C2orf76: variants seen among roughly 807,000 people sequenced by gnomAD.
C2orf76 encodes UPF0538 protein C2orf76.
In C2orf76, 23 loss-of-function variants were observed where a neutral mutation model predicts 16.9. That is an observed-to-expected ratio of 1.36 (90% confidence interval 0.98 to 1.93). The LOEUF (loss-of-function observed/expected upper bound fraction) is 1.93. Among genes scored for constraint, C2orf76 ranks in the 30% most tolerant of loss-of-function variants. The probability of loss-of-function intolerance (pLI) is 0.00; values close to 1 mark genes in which losing one functional copy is unlikely to be tolerated. For missense variants in C2orf76, 152 were observed against 152.6 expected (o/e 1.00, Z 0.02); for synonymous variants, 48 against 52.3 (o/e 0.92, Z 0.35).
chr2:119,311,254 A>G (rs1383326468), intron 5 of C2orf76: 1 of 985,314 alleles, frequency 1.0e-6, no homozygotes, highest in East Asian at 1.1e-4. Context: ...AATGCGTTTC[A>G]TTATTCCTCA....
chr2:119,290,985 G>A, the C2orf76 span, among the ~76,000 whole-genome samples: 1 of 151,952 alleles, frequency 6.6e-6, no homozygotes, highest in Non-Finnish European at 1.5e-5. Context: ...CAAACCTATT[G>A]AACACAGTCC....
rs61325292 is a variant in C2orf76, at chr2:119,305,942, C to CA, written c.305-3395dup. 5.9e-3 allele frequency among the ~76,000 whole-genome samples: 707 copies of CA among 119,608 alleles called. 6 individuals carry two copies. The highest frequency in any genetic ancestry group is 0.025 in the Middle Eastern group (5 of 200). The allele number at this position is 119,608 out of a possible 152,430, so 78.5% of individuals were successfully genotyped here. A position where few individuals can be genotyped will look rare whatever the true frequency, so the allele number is the denominator to read the frequency against. ...AACTAGCCAAAAAAAAAAACAACAA[C>CA]AAAAAAAAAAAAAAACAAAAAAAAC... On this transcript the variant is annotated intron_variant, in intron 5 of 5. Coordinates refer to ENST00000334816, the MANE Select transcript of C2orf76 (RefSeq NM_001322331.2).
At chr2:119,306,397 G>A (rs1030061039) in intron 5 of C2orf76, among the ~76,000 whole-genome samples, 1 of 152,132 alleles carries the variant, frequency 6.6e-6, no homozygotes, top group Non-Finnish European at 1.5e-5. Context: ...AAATGAAAAC[G>A]AACCACGAGG....
chr2:119,322,372 A>T (rs868111108), intron 2 of C2orf76, among the ~76,000 whole-genome samples: 4 of 152,030 alleles, frequency 2.6e-5, no homozygotes, highest in South Asian at 2.1e-4. Flanking sequence ...GCACCCAGCA[A>T]TTTTTTGTAT....
At chr2:119,333,494 G>A (rs1679740899) in intron 2 of C2orf76, among the ~76,000 whole-genome samples, 1 of 152,174 alleles carries the variant, frequency 6.6e-6, no homozygotes, top group South Asian at 2.1e-4. Context: ...ACCAATGAAG[G>A]CATAAACTGA....
intron 2 of C2orf76, among the ~76,000 whole-genome samples, chr2:119,323,083 T>C (rs1679397856): frequency 6.6e-6 from 1 of 152,050 alleles, no homozygotes; most frequent in South Asian, 2.1e-4. Context: ...AGGGATGTGA[T>C]TATACTCACA....
intron 1 of C2orf76, among the ~76,000 whole-genome samples, chr2:119,360,539 T>G (rs1363862703): frequency 6.6e-6 from 1 of 151,914 alleles, no homozygotes; most frequent in Non-Finnish European, 1.5e-5. Flanking sequence ...ATTGCACACT[T>G]TATAACAGAC....
the C2orf76 span, among the ~76,000 whole-genome samples, chr2:119,287,621 A>C: frequency 6.6e-6 from 1 of 152,036 alleles, no homozygotes; most frequent in Non-Finnish European, 1.5e-5. Flanking sequence ...ATCTGAGGAG[A>C]CGTGATATTT....
intron 4 of C2orf76, 79 bp from the exon 5 acceptor site, chr2:119,311,782 T>C: frequency 7.7e-7 from 1 of 1,299,270 alleles, no homozygotes; most frequent in Non-Finnish European, 1.1e-6. Context: ...AGACACAGAG[T>C]TGTAACTCTG....
At chr2:119,315,361 T>G (rs72829473) in intron 4 of C2orf76, among the ~76,000 whole-genome samples, 28,029 of 152,146 alleles carry the variant, frequency 0.18, 3,249 homozygotes, top group Non-Finnish European at 0.27. Context: ...AATGAGTTCA[T>G]TAAGACAAAG....
At chr2:119,281,225 A>T in the C2orf76 span, among the ~76,000 whole-genome samples, 1 of 152,154 alleles carries the variant, frequency 6.6e-6, no homozygotes, top group Non-Finnish European at 1.5e-5. Context: ...TCACCCGGGT[A>T]TTAAGCCCAG....
the C2orf76 span, among the ~76,000 whole-genome samples, chr2:119,287,035 A>C: frequency 1.2e-4 from 19 of 152,316 alleles, no homozygotes; most frequent in Non-Finnish European, 2.1e-4. Flanking sequence ...GGCAGGCTCC[A>C]TCACTTAGGA....
At chr2:119,315,226 G>T (rs1247775181) in intron 4 of C2orf76, among the ~76,000 whole-genome samples, 4 of 151,956 alleles carry the variant, frequency 2.6e-5, no homozygotes, top group Non-Finnish European at 5.9e-5. Context: ...GGCTCGGGTG[G>T]GAAGGTATCC....
the C2orf76 span, among the ~76,000 whole-genome samples, chr2:119,293,453 G>A: frequency 1.4e-4 from 22 of 152,336 alleles, no homozygotes; most frequent in African/African-American, 5.1e-4. Flanking sequence ...AGAGGACCAA[G>A]GCCAAGGTTC....
chr2:119,313,070 A>G (rs1036913061), intron 4 of C2orf76, among the ~76,000 whole-genome samples: 3 of 152,004 alleles, frequency 2.0e-5, no homozygotes, highest in Non-Finnish European at 2.9e-5. Flanking sequence ...TAAATAGCAC[A>G]AAGAGATAAC....
chr2:119,296,427 A>G, the C2orf76 span, among the ~76,000 whole-genome samples: 3 of 152,178 alleles, frequency 2.0e-5, no homozygotes, highest in Non-Finnish European at 2.9e-5. Context: ...GTGTACACGT[A>G]CAGTGAGAAA....
At chr2:119,304,633 A>C (rs1678719268) in intron 5 of C2orf76, among the ~76,000 whole-genome samples, 1 of 152,258 alleles carries the variant, frequency 6.6e-6, no homozygotes. Context: ...ATAATACTTC[A>C]GGCTGATTTA....
intron 1 of C2orf76, among the ~76,000 whole-genome samples, chr2:119,363,623 T>C (rs1204690885): frequency 6.6e-6 from 1 of 152,206 alleles, no homozygotes. Context: ...TAGTTCATTT[T>C]CTGGTGATTA....
chr2:119,365,977 C>T (rs1680960941), intron 1 of C2orf76, among the ~76,000 whole-genome samples: 1 of 152,110 alleles, frequency 6.6e-6, no homozygotes, highest in South Asian at 2.1e-4. Context: ...TCTACTCTTC[C>T]CCTGGTTCCT....
Sources: gnomAD v4.1 joint callset for allele counts (sites outside exome capture counted in the v4.1 genomes callset) on GRCh38, gnomAD v4.1.1 for gene constraint, MANE v1.5 for transcripts, NCBI Gene and HGNC (gene_info 2026-07-23, HGNC 2026-07-21) for gene names.